The following GLYATL2 variants were observed in gnomAD, a reference collection of about 807,000 sequenced individuals.
GLYATL2 encodes glycine N-acyltransferase-like protein 2.
GLYATL2 carries 25 observed loss-of-function variants against 21.4 expected under a neutral mutation model. The ratio of observed to expected loss-of-function variants is 1.17; its 90% CI spans 0.85 to 1.63. The LOEUF is 1.63. GLYATL2 is among the 40% of genes most tolerant of loss of function. The pLI is 0.00. For missense variants in GLYATL2, 361 were observed against 343.3 expected, an observed-to-expected ratio of 1.05 and a Z score of -0.41; for synonymous variants, 114 against 118.2, an observed-to-expected ratio of 0.96 and a Z score of 0.23.
At chr11:58,844,962 A>G (rs1853617146), upstream of GLYATL2, among the ~76,000 whole-genome samples, 1 of 152,202 alleles carries the variant, frequency 6.6e-6, no homozygotes, top group South Asian at 2.1e-4. Flanking sequence ...ATGAGAACTC[A>G]GTTTCATATA....
chr11:58,866,876 G>A (rs1292903988), intron 1 of GLYATL2, among the ~76,000 whole-genome samples: 1 of 149,442 alleles, frequency 6.7e-6, no homozygotes, highest in Admixed American at 6.8e-5. Context: ...AAAGGCAAGT[G>A]TCCTCAGAAT....
At chr11:58,850,900 G>A (rs558099) in intron 1 of GLYATL2, among the ~76,000 whole-genome samples, 134,997 of 152,166 alleles carry the variant, frequency 0.89, 61,047 homozygotes, top group Non-Finnish European at 0.98. Context: ...TCACTTTCAT[G>A]TTCTACTCTG....
At chr11:58,841,323 T>G (rs928685526) in intron 1 of GLYATL2, among the ~76,000 whole-genome samples, 1 of 152,208 alleles carries the variant, frequency 6.6e-6, no homozygotes, top group African/African-American at 2.4e-5. Context: ...CACCCCTGGC[T>G]CCTCCTCTGG....
chr11:58,860,172 G>A (rs1220833531), intron 1 of GLYATL2, among the ~76,000 whole-genome samples: 1 of 152,042 alleles, frequency 6.6e-6, no homozygotes, highest in Non-Finnish European at 1.5e-5. Context: ...TATTTAGATA[G>A]GAATTGCATT....
In GLYATL2 at chr11:58,893,132, G is replaced by A. The variant is rs79220239; in HGVS notation, n.60+11024C>T. On this transcript the variant is annotated intron_variant and non_coding_transcript_variant, in intron 1 of 4. Coordinates refer to the GLYATL2 transcript ENST00000533636. ...TGGAGGCGAGGGAAGAATGAGAGGA[G>A]CCTTCCTTACATCAAGCGCTGCATA... The A allele has an allele frequency of 4.2e-5, 17 of 403,954 alleles. No homozygotes were observed. The Admixed American group carries it at 4.5e-4, about 11-fold the overall frequency. The allele number at this position is 403,954 out of a possible 1,614,324, so 25.0% of individuals were successfully genotyped here. A position where few individuals can be genotyped will look rare whatever the true frequency, so the allele number is the denominator to read the frequency against.
At chr11:58,892,633 C>T in intron 1 of GLYATL2, 3 of 307,100 alleles carry the variant, frequency 9.8e-6, no homozygotes, top group Non-Finnish European at 2.0e-5. Context: ...TCACGTCTGA[C>T]AATATTGCTT....
intron 1 of GLYATL2, among the ~76,000 whole-genome samples, chr11:58,857,436 C>T (rs1195530542): frequency 6.6e-6 from 1 of 152,180 alleles, no homozygotes; most frequent in Non-Finnish European, 1.5e-5. Context: ...CCTCCTCCTC[C>T]TCCCACTGCC....
At chr11:58,874,806 T>C (rs904719811) in intron 1 of GLYATL2, among the ~76,000 whole-genome samples, 1 of 152,198 alleles carries the variant, frequency 6.6e-6, no homozygotes, top group African/African-American at 2.4e-5. Context: ...CTATTAAGTC[T>C]GCTTGGTGCA....
At chr11:58,883,846 GC>G (rs1266173709) in intron 1 of GLYATL2, among the ~76,000 whole-genome samples, 4 of 152,166 alleles carry the variant, frequency 2.6e-5, no homozygotes, top group African/African-American at 9.7e-5. Context: ...GAATCCAGCA[GC>G]ACATCAAAAA....
intron 1 of GLYATL2, among the ~76,000 whole-genome samples, chr11:58,890,799 T>C (rs181071402): frequency 3.3e-5 from 5 of 152,116 alleles, no homozygotes; most frequent in African/African-American, 1.2e-4. Flanking sequence ...TTTTTGCTTT[T>C]TCCTTTTTCT....
At chr11:58,875,080 A>G (rs1854202168) in intron 1 of GLYATL2, among the ~76,000 whole-genome samples, 1 of 152,032 alleles carries the variant, frequency 6.6e-6, no homozygotes, top group South Asian at 2.1e-4. Context: ...TGTTGGTTTA[A>G]AGTCTGTTTT....
chr11:58,875,307 T>G (rs1854207772), intron 1 of GLYATL2, among the ~76,000 whole-genome samples: 1 of 152,234 alleles, frequency 6.6e-6, no homozygotes, highest in Admixed American at 6.5e-5. Flanking sequence ...TTAGTACTGT[T>G]ATGTGTGAAT....
At chr11:58,843,976 TGGCAGAG>T (rs1442304523) in intron 1 of GLYATL2, among the ~76,000 whole-genome samples, 7 of 152,196 alleles carry the variant, frequency 4.6e-5, no homozygotes, top group Non-Finnish European at 1.0e-4. Flanking sequence ...GAGAGAAATT[TGGCAGAG>T]GGCAACAGAA....
At chr11:58,909,118 GAGA>G (rs1854978676), upstream of GLYATL2, among the ~76,000 whole-genome samples, 1 of 152,130 alleles carries the variant, frequency 6.6e-6, no homozygotes, top group African/African-American at 2.4e-5. Context: ...AGAGTACAGA[GAGA>G]AGAATTCTTA....
upstream of GLYATL2, among the ~76,000 whole-genome samples, chr11:58,847,993 G>T (rs540704535): frequency 8.7e-6 from 1 of 114,522 alleles, no homozygotes; most frequent in Non-Finnish European, 1.8e-5. Flanking sequence ...AACAGAGAGA[G>T]AGGCTTTTTT....
rs750234121 is a variant in GLYATL2 at position 58,839,603 on chromosome 11, G to A, written c.10C>T (p.Leu4Phe). 1.1e-5 allele frequency: 17 copies of A among 1,609,936 alleles called. No homozygotes were observed. The South Asian group carries it at 1.9e-4, about 18-fold the overall frequency. Residue 4 changes from leucine to phenylalanine, a missense_variant, in exon 2 of 6, where the codon CTT becomes TTT. Leu to Phe is a conservative substitution (Grantham distance 22). Transcript: ENST00000287275. Reference protein sequence around the residue: MLVLHNSQKLQILY... With the variant: MLVFHNSQKLQILY... ...ATCTGCAGCTTCTGAGAGTTATGAAGCACAAGCATCTTATGTAGCACTTCA... is the reference window on the plus strand; with the variant it reads ...ATCTGCAGCTTCTGAGAGTTATGAAACACAAGCATCTTATGTAGCACTTCA...
In GLYATL2 at chr11:58,859,131, A is replaced by G. The variant is rs187192406; in HGVS notation, n.61-20763T>C. Among the ~76,000 whole-genome samples the G allele has an allele frequency of 3.9e-3, 600 of 152,204 alleles. 2 individuals carry two copies. Among genetic ancestry groups the G allele is most frequent in the Middle Eastern group, 0.017 (5 of 294 alleles). ...TGTACTGCAATCCCCCTGGCCCCCA[A>G]CTGCCACTGCCTTTGGTGTGAGATG... On this transcript the variant is annotated intron_variant and non_coding_transcript_variant, in intron 1 of 4. Transcript: ENST00000533636.
Position 58,838,251 on chromosome 11 carries a change from T to G in GLYATL2, c.186+10A>C, listed in dbSNP as rs1162672121. 2 of 1,568,110 alleles carry G rather than the reference T, an allele frequency of 1.3e-6. No individual in the cohort carries two copies. Among genetic ancestry groups the G allele is most frequent in the East Asian group, 4.5e-5 (2 of 44,644 alleles). ...TGACTACCCTCATATTCAGTAACTATTGCTCCTACCTGTTTCTGAGGCCGG... is the reference window on the plus strand; with the variant it reads ...TGACTACCCTCATATTCAGTAACTAGTGCTCCTACCTGTTTCTGAGGCCGG... On this transcript the variant is annotated intron_variant, in intron 3 of 5. Coordinates refer to ENST00000287275, the MANE Select transcript of GLYATL2 (RefSeq NM_145016.4).
intron 1 of GLYATL2, among the ~76,000 whole-genome samples, chr11:58,879,854 G>GTTTT (rs71064495): frequency 1.5e-5 from 2 of 130,108 alleles, no homozygotes; most frequent in African/African-American, 2.8e-5. Flanking sequence ...TTTTTTCCTT[G>GTTTT]TTTTTTTTTT....
Sources: gnomAD v4.1 joint callset for allele counts (sites outside exome capture counted in the v4.1 genomes callset) on GRCh38, gnomAD v4.1.1 for gene constraint, MANE v1.5 for transcripts, NCBI Gene and HGNC (gene_info 2026-07-23, HGNC 2026-07-21) for gene names.